The following FOXR1 variants were observed in gnomAD, a reference collection of about 807,000 sequenced individuals.
The protein encoded by FOXR1 is forkhead box R1.
FOXR1 carries 25 observed loss-of-function variants against 34.5 expected under a neutral mutation model. The ratio of observed to expected loss-of-function variants is 0.72; its 90% CI spans 0.53 to 1.01. The LOEUF (loss-of-function observed/expected upper bound fraction) is 1.01. Among genes scored for constraint, FOXR1 ranks in the 50% least tolerant of loss-of-function variants. The pLI, the probability that FOXR1 is intolerant of heterozygous loss-of-function variation, is 0.00. For missense variants in FOXR1, 373 were observed against 376.2 expected, an observed-to-expected ratio of 0.99 and a Z score of 0.07; for synonymous variants, 153 against 141.6, an observed-to-expected ratio of 1.08 and a Z score of -0.57.
rs1370101341 is a variant in FOXR1 at position 118,971,856 on chromosome 11, G to A, written c.-76G>A. The A allele has an allele frequency of 1.3e-6, 2 of 1,495,782 alleles. No homozygotes were observed. The highest frequency in any genetic ancestry group is 1.4e-5 in the African/African-American group (1 of 72,032). The allele number at this position is 1,495,782 out of a possible 1,614,324, so 92.7% of individuals were successfully genotyped here. ...CCGCCGCGCCTCTGCCAGCCCCGAAGGTGGACGTGAAGCTCCAACACCTCG... is the reference window on the plus strand; with the variant it reads ...CCGCCGCGCCTCTGCCAGCCCCGAAAGTGGACGTGAAGCTCCAACACCTCG... On this transcript the variant is annotated 5_prime_UTR_variant, in exon 1 of 6. Transcript: ENST00000317011.
chr11:118,977,406 G>A (rs1464005391), intron 1 of FOXR1, among the ~76,000 whole-genome samples: 1 of 152,114 alleles, frequency 6.6e-6, no homozygotes, highest in African/African-American at 2.4e-5. Context: ...CATCTTAATA[G>A]TATGTATTAT....
chr11:118,975,307 A>G (rs1565645568), intron 1 of FOXR1, among the ~76,000 whole-genome samples: 1 of 152,204 alleles, frequency 6.6e-6, no homozygotes, highest in Non-Finnish European at 1.5e-5. Flanking sequence ...AGTAAGTGGT[A>G]GAACAAAAAA....
intron 1 of FOXR1, among the ~76,000 whole-genome samples, chr11:118,975,775 G>A (rs1941772862): frequency 6.6e-6 from 1 of 152,160 alleles, no homozygotes; most frequent in Non-Finnish European, 1.5e-5. Context: ...ACATACAAAG[G>A]TGCTATCCTT....
At position 118,971,795 on chromosome 11, in the gene FOXR1, A is replaced by G. The variant is rs1338992399; in HGVS notation, c.-137A>G. 1.1e-6 allele frequency: 1 copy of G among 898,332 alleles called. No individual in the cohort carries two copies. The highest frequency in any genetic ancestry group is 2.7e-5 in the East Asian group (1 of 37,620). 55.6% of individuals were successfully genotyped at this position (898,332 alleles called of 1,614,324 possible). A position where few individuals can be genotyped will look rare whatever the true frequency, so the allele number is the denominator to read the frequency against. ...AAGGCGCCTGTGAGGGTCGCTCCTC[A>G]GCCGCCGCGCTCCCACTCCGCGTCC... On this transcript the variant is annotated 5_prime_UTR_variant, in exon 1 of 6. Coordinates refer to ENST00000317011, the MANE Select transcript of FOXR1 (RefSeq NM_181721.3).
At chr11:118,975,499 T>C (rs895326229) in intron 1 of FOXR1, among the ~76,000 whole-genome samples, 1 of 150,258 alleles carries the variant, frequency 6.7e-6, no homozygotes, top group Non-Finnish European at 1.5e-5. Context: ...CTCACTGCAG[T>C]CTTGAGCAGC....
At chr11:118,981,183 C>A (rs1489042444) in intron 5 of FOXR1, 25 bp from the exon 6 acceptor site, 11 of 1,613,782 alleles carry the variant, frequency 6.8e-6, no homozygotes, top group Non-Finnish European at 9.3e-6. Context: ...AGTATAAACT[C>A]CTGAACTCTC....
At chr11:118,980,832 C>A in intron 5 of FOXR1, 104 bp downstream of exon 5, 1 of 1,091,668 alleles carries the variant, frequency 9.2e-7, no homozygotes, top group Non-Finnish European at 1.3e-6. Context: ...TGGGGGAATG[C>A]ATCTTCTATA....
intron 4 of FOXR1, 111 bp from the exon 5 acceptor site, chr11:118,980,379 T>A: frequency 8.0e-7 from 1 of 1,248,338 alleles, no homozygotes; most frequent in South Asian, 1.2e-5. Flanking sequence ...CTTGCTACTA[T>A]CCCCCTGGAG....
At position 118,979,215 on chromosome 11, in the gene FOXR1, T is replaced by C; in HGVS notation, c.384+11T>C. On this transcript the variant is annotated intron_variant, in intron 3 of 5. Coordinates refer to ENST00000317011, the MANE Select transcript of FOXR1 (RefSeq NM_181721.3). ...CCCAGCACCTGGGAGGTATGCATTT[T>C]TGGGGATGGGAGTGGGACTTGGGCA... 2 of 1,516,656 alleles carry C rather than the reference T, an allele frequency of 1.3e-6. No homozygotes were observed. Among genetic ancestry groups the C allele is most frequent in the South Asian group, 1.3e-5 (1 of 75,080 alleles). 93.9% of individuals were successfully genotyped at this position (1,516,656 alleles called of 1,614,324 possible). A position where few individuals can be genotyped will look rare whatever the true frequency, so the allele number is the denominator to read the frequency against.
chr11:118,979,110 G>A lies in FOXR1; in HGVS notation c.290G>A (p.Cys97Tyr). ...QPPQKEEDAS[C>Y]SEAAGVESLS... is the part of the protein sequence containing the mutation. Reference sequence around the variant, plus strand: ...CCCCAGAAGGAGGAAGATGCCAGCTGCTCAGAGGCCGCAGGGGTGGAATCA... The same window carrying A: ...CCCCAGAAGGAGGAAGATGCCAGCTACTCAGAGGCCGCAGGGGTGGAATCA... The change falls in exon 3 of 6, where the codon TGC (cysteine) becomes TAC (tyrosine). Residue 97 changes from cysteine to tyrosine, a missense_variant. Physicochemically the swap from Cys to Tyr is radical, Grantham distance 194. Transcript: ENST00000317011. 6.2e-7 allele frequency: 1 copy of A among 1,607,302 alleles called. No homozygotes were observed. Among genetic ancestry groups the A allele is most frequent in the Non-Finnish European group, 8.5e-7 (1 of 1,177,100 alleles).
At chr11:118,972,107 C>G in intron 1 of FOXR1, 115 bp downstream of exon 1, 1 of 799,262 alleles carries the variant, frequency 1.3e-6, no homozygotes. Flanking sequence ...CCCGGGGAGG[C>G]TTGGGGGGCC....
intron 1 of FOXR1, among the ~76,000 whole-genome samples, chr11:118,976,313 G>A (rs1266830249): frequency 1.3e-5 from 2 of 152,234 alleles, no homozygotes; most frequent in Non-Finnish European, 2.9e-5. Flanking sequence ...TCCCACTTCA[G>A]CCTCCTGAGT....
At chr11:118,972,139 CCCG>C (rs1565644640) in intron 1 of FOXR1, 147 bp downstream of exon 1, 1 of 705,112 alleles carries the variant, frequency 1.4e-6, no homozygotes, top group African/African-American at 1.9e-5. Context: ...GCCCCCCCCC[CCCG>C]ACGGCTTAGC....
intron 1 of FOXR1, among the ~76,000 whole-genome samples, chr11:118,974,525 T>C (rs117489749): frequency 0.013 from 1,914 of 152,346 alleles, 42 homozygotes; most frequent in East Asian, 0.058. Context: ...TGCAGTTGCC[T>C]AGGTGCCTGT....
At chr11:118,976,690 C>T (rs1387668747) in intron 1 of FOXR1, among the ~76,000 whole-genome samples, 1 of 152,152 alleles carries the variant, frequency 6.6e-6, no homozygotes, top group African/African-American at 2.4e-5. Context: ...ACAAGGGCTG[C>T]TCCAGTTGAT....
chr11:118,980,350 AAG>A (rs1217033656), intron 4 of FOXR1, 138 bp from the exon 5 acceptor site: 5 of 960,972 alleles, frequency 5.2e-6, no homozygotes, highest in Non-Finnish European at 8.4e-6. Flanking sequence ...TCAGTTAGCA[AAG>A]AGCAACTCCA....
chr11:118,977,556 C>CA (rs1170366722), intron 1 of FOXR1, among the ~76,000 whole-genome samples: 3 of 151,494 alleles, frequency 2.0e-5, no homozygotes, highest in African/African-American at 4.9e-5. Flanking sequence ...ACCCTGTCTC[C>CA]AAAAAAACCC....
At chr11:118,972,062 C>CG (rs1215134096) in intron 1 of FOXR1, 70 bp downstream of exon 1, 1 of 1,272,946 alleles carries the variant, frequency 7.9e-7, no homozygotes, top group African/African-American at 3.5e-5. Flanking sequence ...CGCGGGACCC[C>CG]GGGGCAGACG....
Position 118,979,026 on chromosome 11 carries a change from A to G in FOXR1, c.206A>G (p.Glu69Gly). The change falls in exon 3 of 6, where the codon GAG (glutamate) becomes GGG (glycine). Residue 69 changes from glutamate (E) to glycine (G), a missense_variant. Coordinates refer to ENST00000317011, the MANE Select transcript of FOXR1 (RefSeq NM_181721.3). Reference protein sequence around the residue: ...PNIVYPPGKLEVSGRRKREDL... With the variant: ...PNIVYPPGKLGVSGRRKREDL... ...ATTGTGTATCCCCCTGGAAAGCTGG[A>G]GGTCTCAGGACGTAGGAAGAGGGAG... is the stretch of plus-strand genomic sequence containing the variant. The G allele has an allele frequency of 6.2e-7, 1 of 1,601,622 alleles. No individual in the cohort carries two copies. Among genetic ancestry groups the G allele is most frequent in the Non-Finnish European group, 8.5e-7 (1 of 1,173,450 alleles).
Sources: gnomAD v4.1 joint callset for allele counts (sites outside exome capture counted in the v4.1 genomes callset) on GRCh38, gnomAD v4.1.1 for gene constraint, MANE v1.5 for transcripts, NCBI Gene and HGNC (gene_info 2026-07-23, HGNC 2026-07-21) for gene names.